AKT3: variants seen among roughly 807,000 people sequenced by gnomAD.
AKT3 encodes the protein RAC-gamma serine/threonine-protein kinase.
A neutral mutation model predicts 65.3 loss-of-function variants in AKT3; 15 were observed. The observed-to-expected ratio is 0.23, with a 90% confidence interval of 0.15 to 0.35. The LOEUF is 0.35. Among genes scored for constraint, AKT3 ranks in the 10% least tolerant of loss-of-function variants. The pLI, the probability that AKT3 is intolerant of heterozygous loss-of-function variation, is 1.00. For missense variants in AKT3, 243 were observed against 576.5 expected (o/e 0.42, Z 5.92); for synonymous variants, 206 against 183.8 (o/e 1.12, Z -0.98).
chr1:243,850,669 G>A (rs1695745335), upstream of AKT3, among the ~76,000 whole-genome samples: 1 of 151,470 alleles, frequency 6.6e-6, no homozygotes, highest in Admixed American at 6.6e-5. Context: ...GGCGACTGGC[G>A]GGAGCGGCTT....
intron 2 of AKT3, among the ~76,000 whole-genome samples, chr1:243,826,396 C>T (rs978654264): frequency 6.6e-6 from 1 of 152,230 alleles, no homozygotes; most frequent in Non-Finnish European, 1.5e-5. Context: ...CCCCTTTACT[C>T]TTGCCATCTC....
chr1:243,704,956 C>G (rs1685701510), intron 2 of AKT3, among the ~76,000 whole-genome samples: 1 of 152,070 alleles, frequency 6.6e-6, no homozygotes, highest in Admixed American at 6.5e-5. Context: ...GTCAATGTTG[C>G]CACTGCAGCT....
At chr1:243,620,829 G>A (rs915952093) in intron 6 of AKT3, among the ~76,000 whole-genome samples, 1 of 151,984 alleles carries the variant, frequency 6.6e-6, no homozygotes, top group African/African-American at 2.4e-5. Context: ...CTTAGATGAA[G>A]GCCAAATGAA....
At chr1:243,823,522 C>G (rs771169481) in intron 2 of AKT3, among the ~76,000 whole-genome samples, 1 of 152,126 alleles carries the variant, frequency 6.6e-6, no homozygotes, top group Non-Finnish European at 1.5e-5. Flanking sequence ...TGGAAAATCC[C>G]ATCATCTCAG....
At chr1:243,750,766 G>A (rs1688763128) in intron 2 of AKT3, among the ~76,000 whole-genome samples, 1 of 151,894 alleles carries the variant, frequency 6.6e-6, no homozygotes, top group African/African-American at 2.4e-5. Context: ...ATTTTTAGTA[G>A]AGACGGAGTT....
intron 2 of AKT3, among the ~76,000 whole-genome samples, chr1:243,755,594 T>C (rs936505483): frequency 1.3e-5 from 2 of 152,230 alleles, no homozygotes; most frequent in Middle Eastern, 3.2e-3. Flanking sequence ...TACAGAATTA[T>C]AAATTATAAT....
At chr1:243,749,184 T>C (rs1035120129) in intron 2 of AKT3, among the ~76,000 whole-genome samples, 6 of 152,138 alleles carry the variant, frequency 3.9e-5, no homozygotes, top group African/African-American at 1.4e-4. Flanking sequence ...ATACACATCT[T>C]ATCAGTCTCC....
rs907620108 is a variant in AKT3, at chr1:243,843,248, C to T, written c.-78G>A. 1 of 1,554,398 alleles carries T rather than the reference C, an allele frequency of 6.4e-7. No individual in the cohort carries two copies. Among genetic ancestry groups the T allele is most frequent in the African/African-American group, 1.4e-5 (1 of 73,520 alleles). On this transcript the variant is annotated 5_prime_UTR_variant, in exon 2 of 14. Transcript: ENST00000673466. ...GCTTTAGGGTTTGGATTCTCTGCTG[C>T]TGCTGCCCTTCCCACTCTCTAGTGA...
At chr1:243,610,541 T>C (rs1323857672) in intron 8 of AKT3, among the ~76,000 whole-genome samples, 8 of 152,278 alleles carry the variant, frequency 5.3e-5, no homozygotes, top group Non-Finnish European at 8.8e-5. Context: ...GACTGTTTTA[T>C]CTGTCTTACT....
chr1:243,840,682 G>A (rs777721417), intron 2 of AKT3, among the ~76,000 whole-genome samples: 2 of 150,288 alleles, frequency 1.3e-5, no homozygotes, highest in East Asian at 1.9e-4. Flanking sequence ...GGGAATGTGA[G>A]GAATTCAAGG....
At chr1:243,498,734 T>C (rs1265042722), downstream of AKT3, among the ~76,000 whole-genome samples, 1 of 152,268 alleles carries the variant, frequency 6.6e-6, no homozygotes, top group Non-Finnish European at 1.5e-5. Flanking sequence ...ATGTTAATGA[T>C]GGCTTAAATT....
intron 13 of AKT3, among the ~76,000 whole-genome samples, chr1:243,493,677 G>A (rs1300614883): frequency 1.3e-5 from 2 of 152,040 alleles, no homozygotes; most frequent in African/African-American, 2.4e-5. Context: ...TTGGCCCTAT[G>A]ACTTTTAAGC....
intron 8 of AKT3, among the ~76,000 whole-genome samples, chr1:243,583,771 A>G (rs932322289): frequency 6.6e-6 from 1 of 152,110 alleles, no homozygotes; most frequent in Non-Finnish European, 1.5e-5. Context: ...TTTGAAATAA[A>G]TGAAAATAGG....
intron 12 of AKT3, among the ~76,000 whole-genome samples, chr1:243,538,907 A>C (rs1216490453): frequency 6.6e-6 from 1 of 152,186 alleles, no homozygotes; most frequent in Non-Finnish European, 1.5e-5. Flanking sequence ...TATGTATGCA[A>C]CTAACAATGA....
chr1:243,678,428 G>A (rs1394515145), intron 3 of AKT3, among the ~76,000 whole-genome samples: 1 of 152,092 alleles, frequency 6.6e-6, no homozygotes, highest in Non-Finnish European at 1.5e-5. Context: ...AGAATGGGGG[G>A]AAAATCTCAT....
intron 2 of AKT3, among the ~76,000 whole-genome samples, chr1:243,794,857 C>CT (rs1408152876): frequency 1.3e-5 from 2 of 152,206 alleles, no homozygotes; most frequent in African/African-American, 2.4e-5. Flanking sequence ...ATAGGACTTT[C>CT]TGCTTTCTCA....
intron 4 of AKT3, among the ~76,000 whole-genome samples, chr1:243,652,901 A>G (rs2147872788): frequency 6.6e-6 from 1 of 152,254 alleles, no homozygotes; most frequent in East Asian, 1.9e-4. Context: ...TGCAACAAAA[A>G]GAGCTAACTA....
At chr1:243,492,459 A>G (rs6659342) in intron 13 of AKT3, among the ~76,000 whole-genome samples, 4,763 of 145,226 alleles carry the variant, frequency 0.033, 234 homozygotes, top group African/African-American at 0.11. Context: ...CCACCACCAC[A>G]CCTAGCTAAT....
chr1:243,563,871 T>C (rs1336095291), intron 9 of AKT3, 23 bp from the exon 10 acceptor site: 7 of 1,596,324 alleles, frequency 4.4e-6, no homozygotes, highest in Non-Finnish European at 5.1e-6. Context: ...AAAAATGACA[T>C]AATTTGTTCT....
Sources: gnomAD v4.1 joint callset for allele counts (sites outside exome capture counted in the v4.1 genomes callset) on GRCh38, gnomAD v4.1.1 for gene constraint, MANE v1.5 for transcripts, NCBI Gene and HGNC (gene_info 2026-07-23, HGNC 2026-07-21) for gene names.